IGSF21: variants seen among roughly 807,000 people sequenced by gnomAD.
IGSF21 encodes the protein immunoglobin superfamily member 21.
Under a neutral mutation model 46.8 loss-of-function variants are expected in IGSF21, and 28 were observed. The observed-to-expected ratio is 0.60, with a 90% CI of 0.44 to 0.82. The LOEUF is 0.82. Among genes scored for constraint, IGSF21 ranks in the 40% least tolerant of loss-of-function variants. The probability of loss-of-function intolerance (pLI) is 0.00; values close to 1 mark genes in which losing one functional copy is unlikely to be tolerated. For synonymous variants in IGSF21, 284 were observed against 273.6 expected, an observed-to-expected ratio of 1.04 and a Z score of -0.38; for missense variants, 624 against 665.5, an observed-to-expected ratio of 0.94 and a Z score of 0.69.
intron 3 of IGSF21, among the ~76,000 whole-genome samples, chr1:18,316,197 G>A (rs894004125): frequency 2.6e-5 from 4 of 152,272 alleles, no homozygotes; most frequent in South Asian, 2.1e-4. Flanking sequence ...GATGCAGAGC[G>A]GTGGCGGTTA....
chr1:18,130,754 AT>A (rs1317294846), intron 1 of IGSF21, among the ~76,000 whole-genome samples: 8 of 152,204 alleles, frequency 5.3e-5, no homozygotes, highest in Non-Finnish European at 1.0e-4. Flanking sequence ...GAGAAAAAAA[AT>A]GTTACCTGAG....
intron 2 of IGSF21, among the ~76,000 whole-genome samples, chr1:18,252,211 C>T (rs565784847): frequency 1.2e-4 from 18 of 151,922 alleles, no homozygotes; most frequent in Admixed American, 4.6e-4. Context: ...CCACCATGCC[C>T]GGCTAATTTT....
intron 3 of IGSF21, among the ~76,000 whole-genome samples, chr1:18,320,988 A>G (rs547189986): frequency 1.4e-4 from 22 of 152,372 alleles, no homozygotes; most frequent in Admixed American, 1.3e-3. Context: ...AAGTCAGCTC[A>G]GAGCTTTCTC....
At chr1:18,360,274 C>T (rs2086085717) in intron 4 of IGSF21, among the ~76,000 whole-genome samples, 1 of 152,174 alleles carries the variant, frequency 6.6e-6, no homozygotes, top group Admixed American at 6.5e-5. Flanking sequence ...TTTATGCGAT[C>T]TTACGCTTAA....
chr1:18,162,240 G>T (rs1273077584), intron 1 of IGSF21, among the ~76,000 whole-genome samples: 1 of 152,078 alleles, frequency 6.6e-6, no homozygotes, highest in African/African-American at 2.4e-5. Flanking sequence ...TAGAGACAAG[G>T]TCTTGCCATG....
At chr1:18,339,063 C>T (rs1466429105) in intron 4 of IGSF21, among the ~76,000 whole-genome samples, 1 of 152,206 alleles carries the variant, frequency 6.6e-6, no homozygotes, top group African/African-American at 2.4e-5. Context: ...CCCTTTCAAC[C>T]CAAAGCTAAA....
intron 6 of IGSF21, among the ~76,000 whole-genome samples, chr1:18,372,652 G>A (rs1381714693): frequency 6.6e-6 from 1 of 150,634 alleles, no homozygotes; most frequent in Non-Finnish European, 1.5e-5. Context: ...ATGGATGGAT[G>A]GATGTTTGGA....
At chr1:18,366,827 A>G (rs995196599) in intron 6 of IGSF21, among the ~76,000 whole-genome samples, 2 of 152,152 alleles carry the variant, frequency 1.3e-5, no homozygotes, top group African/African-American at 4.8e-5. Context: ...GGGATCCCCA[A>G]AGCAGTTCCC....
intron 2 of IGSF21, among the ~76,000 whole-genome samples, chr1:18,286,009 T>A (rs1271841619): frequency 1.3e-5 from 2 of 152,114 alleles, no homozygotes; most frequent in African/African-American, 4.8e-5. Context: ...ATCCTTCCCG[T>A]TTTGCAGATG....
intron 2 of IGSF21, among the ~76,000 whole-genome samples, chr1:18,272,632 C>T (rs1009421193): frequency 6.6e-5 from 10 of 152,232 alleles, no homozygotes; most frequent in African/African-American, 2.2e-4. Flanking sequence ...CATTTTCCAG[C>T]TTTGGAATGA....
At position 18,109,277 on chromosome 1, in the gene IGSF21, C is replaced by T. The variant is rs1222377884; in HGVS notation, c.70+1079C>T. ...CCGCAGGCACCGAGACTACAGGCTC[C>T]GCGTCCGGGATCCTCCTCGGAGCCT... On this transcript the variant is annotated intron_variant, in intron 1 of 9. Transcript: ENST00000251296. The surrounding 1 kb of genome is among the most constrained non-coding windows in gnomAD (Gnocchi z 4.8). 2 of 152,064 alleles carry T rather than the reference C, an allele frequency of 1.3e-5. No individual in the cohort carries two copies. The highest frequency in any genetic ancestry group is 1.9e-4 in the East Asian group (1 of 5,144). 9.4% of individuals were successfully genotyped at this position (152,064 alleles called of 1,614,324 possible).
intron 1 of IGSF21, among the ~76,000 whole-genome samples, chr1:18,116,241 C>T (rs2086189033): frequency 6.6e-6 from 1 of 152,120 alleles, no homozygotes; most frequent in South Asian, 2.1e-4. Flanking sequence ...GCCTCCCTCA[C>T]CCGAGAATTG....
At chr1:18,346,775 G>C (rs1227995029) in intron 4 of IGSF21, among the ~76,000 whole-genome samples, 1 of 152,204 alleles carries the variant, frequency 6.6e-6, no homozygotes, top group African/African-American at 2.4e-5. Flanking sequence ...AATGAGAAGT[G>C]GGGGGCCTGA....
chr1:18,127,865 T>C (rs1262690737), intron 1 of IGSF21, among the ~76,000 whole-genome samples: 2 of 152,134 alleles, frequency 1.3e-5, no homozygotes, highest in Non-Finnish European at 2.9e-5. Context: ...GCCATAATTA[T>C]GCCACTGCAC....
intron 3 of IGSF21, among the ~76,000 whole-genome samples, chr1:18,318,894 C>T (rs929675059): frequency 2.6e-5 from 4 of 152,186 alleles, no homozygotes; most frequent in African/African-American, 9.7e-5. Context: ...GGCTTTTATA[C>T]CGGTTATTCC....
At chr1:18,149,184 GC>G (rs929119131) in intron 1 of IGSF21, among the ~76,000 whole-genome samples, 1 of 152,048 alleles carries the variant, frequency 6.6e-6, no homozygotes, top group African/African-American at 2.4e-5. Context: ...GCCTGGCACA[GC>G]CCCTGCTGGC....
chr1:18,325,312 G>T (rs1009445440), intron 3 of IGSF21, among the ~76,000 whole-genome samples: 7 of 152,108 alleles, frequency 4.6e-5, no homozygotes, highest in Non-Finnish European at 8.8e-5. Flanking sequence ...CCAAGCACTA[G>T]GCTCTGGTAT....
intron 1 of IGSF21, chr1:18,114,098 C>T (rs569501705): frequency 6.6e-6 from 1 of 152,314 alleles, no homozygotes; most frequent in East Asian, 1.9e-4. Context: ...AGTCAGTGCA[C>T]TCTTGGTAAT....
In IGSF21 at chr1:18,334,887, C is replaced by G; in HGVS notation, c.306-5C>G. ...GGCCCTCACCCTGTCTTCTGCCTCCCCCAGGCTGCCCGAGGTCCGGATCTC... is the reference window on the plus strand; with the variant it reads ...GGCCCTCACCCTGTCTTCTGCCTCCGCCAGGCTGCCCGAGGTCCGGATCTC... On this transcript the variant is annotated splice_region_variant and splice_polypyrimidine_tract_variant and intron_variant, in intron 3 of 9. Coordinates refer to ENST00000251296, the MANE Select transcript of IGSF21 (RefSeq NM_032880.5). This position sits in a 1 kb window ranked among gnomAD's most constrained non-coding sequence, Gnocchi z 4.3. The G allele has an allele frequency of 6.2e-7, 1 of 1,612,494 alleles. No homozygotes were observed. The highest frequency in any genetic ancestry group is 8.5e-7 in the Non-Finnish European group (1 of 1,178,606).
Sources: allele counts gnomAD v4.1 joint callset (sites outside exome capture counted in the v4.1 genomes callset), GRCh38; gene constraint gnomAD v4.1.1; non-coding constraint Gnocchi (gnomAD v3.1); transcripts MANE v1.5; gene names NCBI Gene and HGNC (gene_info 2026-07-23, HGNC 2026-07-21).